EVA1B: variants seen among roughly 807,000 people sequenced by gnomAD.
The protein encoded by EVA1B is protein eva-1 homolog B.
EVA1B carries 2 observed loss-of-function variants against 4.6 expected under a neutral mutation model. The observed-to-expected ratio is 0.43, with a 90% CI of 0.18 to 1.37. The LOEUF is 1.37. Ranked by LOEUF, EVA1B falls within the 40% of genes most tolerant of loss-of-function variation. EVA1B has a pLI of 0.28. For missense variants in EVA1B, 263 were observed against 240.4 expected (o/e 1.09, Z -0.62); for synonymous variants, 124 against 115.8 (o/e 1.07, Z -0.46).
In EVA1B at chr1:36,322,432, G is replaced by T. The variant is rs1468048763; in HGVS notation, c.361C>A (p.Arg121=). 4 of 1,603,448 alleles carry T rather than the reference G, an allele frequency of 2.5e-6. No homozygotes were observed. The highest frequency in any genetic ancestry group is 1.7e-5 in the Admixed American group (1 of 59,938). The part of the protein sequence containing the change: ...NVFTSAEELE[R]AQRLEERERI... ...TCGCGCTCCTCCAGCCGCTGCGCCCGCTCCAGCTCCTCCGCCGACGTGAAG... is the reference window on the plus strand; with the variant it reads ...TCGCGCTCCTCCAGCCGCTGCGCCCTCTCCAGCTCCTCCGCCGACGTGAAG... The change falls in exon 3 of 3, where the codon CGG becomes AGG. Residue 121 remains arginine (R), a synonymous_variant. Coordinates refer to ENST00000490466, the MANE Select transcript of EVA1B (RefSeq NM_001304762.2).
chr1:36,322,776 G>T, intron 2 of EVA1B, 51 bp from the exon 3 acceptor site: 2 of 1,523,388 alleles, frequency 1.3e-6, no homozygotes, highest in Non-Finnish European at 8.9e-7. Flanking sequence ...GGTGGGGGTT[G>T]TCCCACTTCC....
At chr1:36,323,999 A>T (rs1281526624), upstream of EVA1B, 1 of 152,290 alleles carries the variant, frequency 6.6e-6, no homozygotes, top group Admixed American at 6.5e-5. Flanking sequence ...TCAGGATTTG[A>T]ATCTGCTGCT....
Position 36,322,293 on chromosome 1 carries a change from C to T in EVA1B, c.*2G>A. The T allele has an allele frequency of 5.3e-6, 8 of 1,509,632 alleles. No homozygotes were observed. Among genetic ancestry groups the T allele is most frequent in the Non-Finnish European group, 6.2e-6 (7 of 1,136,464 alleles). 93.5% of individuals were successfully genotyped at this position (1,509,632 alleles called of 1,614,324 possible). A position where few individuals can be genotyped will look rare whatever the true frequency, so the allele number is the denominator to read the frequency against. ...GCGCCTTGCAGCGGGAGCCGGGGCCCATCAGTAATAGTGCATGCGGCCCAG... is the reference window on the plus strand; with the variant it reads ...GCGCCTTGCAGCGGGAGCCGGGGCCTATCAGTAATAGTGCATGCGGCCCAG... On this transcript the variant is annotated 3_prime_UTR_variant, in exon 3 of 3. Transcript: ENST00000490466.
rs960814629 is a variant in EVA1B, at chr1:36,322,289, G to A, written c.*6C>T. ...CCGAGCGCCTTGCAGCGGGAGCCGG[G>A]GCCCATCAGTAATAGTGCATGCGGC... On this transcript the variant is annotated 3_prime_UTR_variant, in exon 3 of 3. Transcript: ENST00000490466. 5.3e-6 allele frequency: 8 copies of A among 1,503,262 alleles called. No individual in the cohort carries two copies. The highest frequency in any genetic ancestry group is 1.4e-5 in the African/African-American group (1 of 71,232). The allele number at this position is 1,503,262 out of a possible 1,614,324, so 93.1% of individuals were successfully genotyped here. A position where few individuals can be genotyped will look rare whatever the true frequency, so the allele number is the denominator to read the frequency against.
chr1:36,323,270 G>C (rs1646499262), intron 1 of EVA1B, among the ~76,000 whole-genome samples, 189 bp downstream of exon 1: 1 of 152,166 alleles, frequency 6.6e-6, no homozygotes, highest in Non-Finnish European at 1.5e-5. Context: ...GAGCAGCGCC[G>C]GGGACCGCGG....
At chr1:36,322,875 G>A (rs1646491617) in intron 2 of EVA1B, 96 bp downstream of exon 2, 2 of 1,535,432 alleles carry the variant, frequency 1.3e-6, no homozygotes, top group Non-Finnish European at 1.8e-6. Context: ...AGAGGGCGGG[G>A]AGCGGGGCGG....
In EVA1B at chr1:36,322,239, T is replaced by G; in HGVS notation, c.*56A>C. Reference sequence around the variant, plus strand: ...GCAGTCCGAAGGTGTGGGGTAGCTCTGAGCTCATGTGCAGGTCCGGTACCC... The same window carrying G: ...GCAGTCCGAAGGTGTGGGGTAGCTCGGAGCTCATGTGCAGGTCCGGTACCC... On this transcript the variant is annotated 3_prime_UTR_variant, in exon 3 of 3. Transcript: ENST00000490466. 1.4e-6 allele frequency: 2 copies of G among 1,436,034 alleles called. No individual in the cohort carries two copies. Among genetic ancestry groups the G allele is most frequent in the Non-Finnish European group, 1.8e-6 (2 of 1,098,460 alleles). The allele number at this position is 1,436,034 out of a possible 1,614,324, so 89.0% of individuals were successfully genotyped here. A position where few individuals can be genotyped will look rare whatever the true frequency, so the allele number is the denominator to read the frequency against.
At position 36,322,353 on chromosome 1, in the gene EVA1B, C is replaced by T; in HGVS notation, c.440G>A (p.Gly147Asp). Residue 147 changes from glycine (G) to aspartate (D), a missense_variant, in exon 3 of 3, where the codon GGC (glycine) becomes GAC (aspartate). Transcript: ENST00000490466. ...GGCCGTGGGGCTGGGCCCCAGCGTG[C>T]CTGTGCCCAGCAGGTCCGGCTGCCC... is the stretch of plus-strand genomic sequence containing the variant. Reference protein sequence around the residue: ...RTGQPDLLGTGTLGPSPTATG... With the variant: ...RTGQPDLLGTDTLGPSPTATG... The T allele has an allele frequency of 6.3e-7, 1 of 1,584,540 alleles. No homozygotes were observed. The highest frequency in any genetic ancestry group is 2.3e-5 in the East Asian group (1 of 44,338).
chr1:36,323,011 C>T lies in EVA1B; in HGVS notation c.27G>A (p.Glu9=). ...AGGCAGCCAGGCTGTTGCTGAGCAA[C>T]TCCATGTCCCTTCGCGGGGCATCCA... is the stretch of plus-strand genomic sequence containing the variant. MDAPRRDM[E]LLSNSLAAYA... is the part of the protein sequence containing the mutation. Residue 9 remains glutamate (E), a synonymous_variant, in exon 2 of 3, where the codon GAG becomes GAA. Transcript: ENST00000490466. 6.3e-7 allele frequency: 1 copy of T among 1,599,650 alleles called. No individual in the cohort carries two copies. The highest frequency in any genetic ancestry group is 8.5e-7 in the Non-Finnish European group (1 of 1,176,004).
chr1:36,323,827 A>C (rs1047191858), upstream of EVA1B: 2 of 152,244 alleles, frequency 1.3e-5, no homozygotes, highest in Non-Finnish European at 2.9e-5. Context: ...CAGCAACAAC[A>C]GAGAGGCTGG....
chr1:36,323,284 G>A (rs902482833), intron 1 of EVA1B, among the ~76,000 whole-genome samples, 175 bp downstream of exon 1: 19 of 152,066 alleles, frequency 1.2e-4, no homozygotes, highest in African/African-American at 3.6e-4. Flanking sequence ...ACCGCGGGAG[G>A]CCCCGCCCCC....
Position 36,322,088 on chromosome 1 carries a change from A to G in EVA1B, c.*207T>C. The stretch of plus-strand genomic sequence containing the variant: ...CTTCACCTCTTCATCGACCCCAGAG[A>G]GGGAGTGGGGACCCTGCATGCTGCC... On this transcript the variant is annotated 3_prime_UTR_variant, in exon 3 of 3. Transcript: ENST00000490466. 1 of 1,349,900 alleles carries G rather than the reference A, an allele frequency of 7.4e-7. No homozygotes were observed. Among genetic ancestry groups the G allele is most frequent in the Non-Finnish European group, 9.5e-7 (1 of 1,054,376 alleles). The allele number at this position is 1,349,900 out of a possible 1,614,324, so 83.6% of individuals were successfully genotyped here.
At position 36,322,640 on chromosome 1, in the gene EVA1B, G is replaced by A; in HGVS notation, c.153C>T (p.Ile51=). The A allele has an allele frequency of 6.5e-7, 1 of 1,546,114 alleles. No homozygotes were observed. Among genetic ancestry groups the A allele is most frequent in the Non-Finnish European group, 8.7e-7 (1 of 1,147,002 alleles). The change falls in exon 3 of 3, where the codon ATC becomes ATT. Residue 51 remains isoleucine, a synonymous_variant. Coordinates refer to ENST00000490466, the MANE Select transcript of EVA1B (RefSeq NM_001304762.2). Reference sequence around the variant, plus strand: ...GGGGCCGCGGGCGGGGCGCCCACGAGATGCTGATGACGAGCAGGCAGAGGG... The same window carrying A: ...GGGGCCGCGGGCGGGGCGCCCACGAAATGCTGATGACGAGCAGGCAGAGGG... ...LLTLCLLVIS[I]SWAPRPRPRG...
At chr1:36,322,850 A>C in intron 2 of EVA1B, 121 bp downstream of exon 2, 1 of 1,507,652 alleles carries the variant, frequency 6.6e-7, no homozygotes, top group Non-Finnish European at 9.1e-7. Context: ...GGCATTAGGG[A>C]ACCGCCAGCG....
upstream of EVA1B, chr1:36,324,079 C>T (rs1310578091): frequency 6.6e-6 from 1 of 152,312 alleles, no homozygotes; most frequent in Non-Finnish European, 1.5e-5. Flanking sequence ...GGCAAAGCTG[C>T]TTCTCTTCCC....
At position 36,322,595 on chromosome 1, in the gene EVA1B, C is replaced by T. The variant is rs1243328343; in HGVS notation, c.198G>A (p.Arg66=). ...GCTCCAGGGTGCTGCTGCGGGGGTCCCGGCGCTGAGCCGGGCCCCGGGGCC... is the reference window on the plus strand; with the variant it reads ...GCTCCAGGGTGCTGCTGCGGGGGTCTCGGCGCTGAGCCGGGCCCCGGGGCC... ...RPRPRGPAQR[R]DPRSSTLEPE... Residue 66 remains arginine, a synonymous_variant, in exon 3 of 3, where the codon CGG becomes CGA. Transcript: ENST00000490466. 1 of 1,563,456 alleles carries T rather than the reference C, an allele frequency of 6.4e-7. No individual in the cohort carries two copies. Among genetic ancestry groups the T allele is most frequent in the Admixed American group, 1.9e-5 (1 of 52,426 alleles).
At chr1:36,322,891 A>G (rs1056314736) in intron 2 of EVA1B, 80 bp downstream of exon 2, 7 of 1,560,454 alleles carry the variant, frequency 4.5e-6, no homozygotes, top group Non-Finnish European at 5.3e-6. Flanking sequence ...GGCGGAGGGG[A>G]CGGACAAGGC....
At chr1:36,323,834 C>G (rs1646511953), upstream of EVA1B, 1 of 152,254 alleles carries the variant, frequency 6.6e-6, no homozygotes, top group Non-Finnish European at 1.5e-5. Context: ...AACAGAGAGG[C>G]TGGAGCTCTG....
Position 36,323,012 on chromosome 1 carries a change from T to TC in EVA1B, c.25dup (p.Glu9GlyfsTer235). 6.3e-7 allele frequency: 1 copy of TC among 1,599,378 alleles called. No individual in the cohort carries two copies. The highest frequency in any genetic ancestry group is 8.5e-7 in the Non-Finnish European group (1 of 1,175,914). ...GGCAGCCAGGCTGTTGCTGAGCAAC[T>TC]CCATGTCCCTTCGCGGGGCATCCAT... On this transcript the variant is annotated frameshift_variant, in exon 2 of 3. Transcript: ENST00000490466. LOFTEE classifies it low-confidence loss of function (END_TRUNC).
Sources: gnomAD v4.1 joint callset for allele counts (sites outside exome capture counted in the v4.1 genomes callset) on GRCh38, gnomAD v4.1.1 for gene constraint, MANE v1.5 for transcripts, NCBI Gene and HGNC (gene_info 2026-07-23, HGNC 2026-07-21) for gene names.